The following ERG variants were observed in gnomAD, a reference collection of about 807,000 sequenced individuals.
The protein encoded by ERG is ETS transcription factor ERG.
ERG carries 9 observed loss-of-function variants against 55.3 expected under a neutral mutation model. The ratio of observed to expected loss-of-function variants is 0.16; its 90% CI spans 0.10 to 0.28. The LOEUF is 0.28. Ranked by LOEUF, ERG falls within the 10% of genes least tolerant of loss-of-function variation. The pLI, the probability that ERG is intolerant of heterozygous loss-of-function variation, is 1.00. For missense variants in ERG, 434 were observed against 631.6 expected (o/e 0.69, Z 3.35); for synonymous variants, 223 against 237.3 (o/e 0.94, Z 0.55).
chr21:38,485,461 CT>C (rs34211335), intron 1 of ERG, among the ~76,000 whole-genome samples: 24,278 of 130,004 alleles, frequency 0.19, 1,594 homozygotes, highest in East Asian at 0.25. Context: ...AATATACAGT[CT>C]TTTTTTTTTT....
chr21:38,640,543 G>A (rs1349400163), intron 1 of ERG, among the ~76,000 whole-genome samples: 1 of 152,196 alleles, frequency 6.6e-6, no homozygotes, highest in Non-Finnish European at 1.5e-5. Flanking sequence ...TTGTGGCAGT[G>A]AATAAGTCTC....
In ERG at chr21:38,381,785, CA is replaced by C; in HGVS notation, c.*1617del. On this transcript the variant is annotated 3_prime_UTR_variant, in exon 10 of 10. Coordinates refer to ENST00000288319, the MANE Select transcript of ERG (RefSeq NM_182918.4). ...ATTCCAGGCATAAATATGGAGGCTC[CA>C]ATGTGAAACCCGGGGTCCTTCTGTT... 1 of 1,063,476 alleles carries C rather than the reference CA, an allele frequency of 9.4e-7. No homozygotes were observed. Among genetic ancestry groups the C allele is most frequent in the Non-Finnish European group, 1.1e-6 (1 of 878,226 alleles). 65.9% of individuals were successfully genotyped at this position (1,063,476 alleles called of 1,614,324 possible). A position where few individuals can be genotyped will look rare whatever the true frequency, so the allele number is the denominator to read the frequency against.
At chr21:38,629,081 A>G (rs1043375205) in intron 1 of ERG, among the ~76,000 whole-genome samples, 1 of 152,014 alleles carries the variant, frequency 6.6e-6, no homozygotes, top group Non-Finnish European at 1.5e-5. Context: ...TGTACTATTT[A>G]CAGAGTCCTG....
chr21:38,476,366 T>C (rs1005106982), intron 1 of ERG, among the ~76,000 whole-genome samples: 1 of 152,162 alleles, frequency 6.6e-6, no homozygotes, highest in Non-Finnish European at 1.5e-5. Flanking sequence ...GTCTCCACGT[T>C]TAGGTTTAGG....
upstream of ERG, among the ~76,000 whole-genome samples, chr21:38,588,424 G>A (rs943088107): frequency 6.6e-6 from 1 of 152,202 alleles, no homozygotes; most frequent in Non-Finnish European, 1.5e-5. Flanking sequence ...TGGGGAGGTA[G>A]AAGAAGGCAC....
rs190516055 is a variant in ERG, at chr21:38,460,049, G to A, written c.19-14428C>T. On this transcript the variant is annotated intron_variant, in intron 1 of 9. Transcript: ENST00000288319. This position sits in a 1 kb window ranked among gnomAD's most constrained non-coding sequence, Gnocchi z 5.0. ...AAACTGCTGCTTTTCATTTAGAGTG[G>A]CCAGGGTGGTCCTGAGAAAACGCGA... Among the ~76,000 whole-genome samples, 6 of 152,310 alleles carry A rather than the reference G, an allele frequency of 3.9e-5. No individual in the cohort carries two copies. Among genetic ancestry groups the A allele is most frequent in the East Asian group, 1.9e-4 (1 of 5,182 alleles).
At chr21:38,432,567 T>C (rs905869244) in intron 2 of ERG, among the ~76,000 whole-genome samples, 4 of 152,216 alleles carry the variant, frequency 2.6e-5, no homozygotes, top group Non-Finnish European at 4.4e-5. Flanking sequence ...CCAGACTCTT[T>C]CCACGTGTTT....
intron 1 of ERG, among the ~76,000 whole-genome samples, chr21:38,581,799 C>T (rs931761414): frequency 3.3e-5 from 5 of 152,052 alleles, no homozygotes; most frequent in Admixed American, 1.3e-4. Context: ...ATCCCAGCAC[C>T]TTGGGAGGCC....
intron 2 of ERG, among the ~76,000 whole-genome samples, chr21:38,561,347 G>C (rs1414818588): frequency 8.6e-5 from 13 of 151,998 alleles, no homozygotes; most frequent in Non-Finnish European, 1.5e-4. Context: ...ATTGTGCCCT[G>C]AAGGTGAAAT....
the ERG span, among the ~76,000 whole-genome samples, chr21:38,370,728 T>C: frequency 1.3e-5 from 2 of 152,088 alleles, no homozygotes; most frequent in Admixed American, 6.6e-5. Context: ...ATATCAAGTA[T>C]GCATATCTGT....
Position 38,460,765 on chromosome 21 carries a change from T to C in ERG, c.19-15144A>G, listed in dbSNP as rs531541779. 1.3e-5 allele frequency among the ~76,000 whole-genome samples: 2 copies of C among 152,334 alleles called. No homozygotes were observed. The highest frequency in any genetic ancestry group is 6.5e-5 in the Admixed American group (1 of 15,298). The stretch of plus-strand genomic sequence containing the variant: ...GAATAACGGCACCAAAGTATTCCCC[T>C]GCCCTGAAATCTCTGTTTACCTGTG... On this transcript the variant is annotated intron_variant, in intron 1 of 9. Coordinates refer to ENST00000288319, the MANE Select transcript of ERG (RefSeq NM_182918.4). This position sits in a 1 kb window ranked among gnomAD's most constrained non-coding sequence, Gnocchi z 5.0.
intron 3 of ERG, among the ~76,000 whole-genome samples, chr21:38,406,712 A>G (rs1988790802): frequency 6.6e-6 from 1 of 152,154 alleles, no homozygotes; most frequent in Non-Finnish European, 1.5e-5. Flanking sequence ...TTCTGGGAAC[A>G]GACTTTCTTC....
intron 2 of ERG, among the ~76,000 whole-genome samples, chr21:38,437,644 G>C (rs1339884690): frequency 1.3e-5 from 2 of 152,176 alleles, no homozygotes; most frequent in Non-Finnish European, 2.9e-5. Context: ...AGGATTCCTA[G>C]TTATGGTTTG....
rs532074689 is a variant in ERG, at chr21:38,418,049, T to C, written c.388+5361A>G. 2.6e-5 allele frequency among the ~76,000 whole-genome samples: 4 copies of C among 152,300 alleles called. No homozygotes were observed. In the South Asian group the frequency reaches 6.2e-4, roughly 24 times the overall value. On this transcript the variant is annotated intron_variant, in intron 3 of 9. Transcript: ENST00000288319. ...ATTTTTTTTTGGAATGTTAATGTGA[T>C]ACTGTTAATCATTTCTATCTTTCCT...
intron 1 of ERG, among the ~76,000 whole-genome samples, chr21:38,624,561 T>C (rs1365295045): frequency 6.6e-6 from 1 of 152,186 alleles, no homozygotes; most frequent in Non-Finnish European, 1.5e-5. Flanking sequence ...ACCCCTTCTG[T>C]GGTCTCCATA....
At chr21:38,455,190 T>C (rs545119369) in intron 1 of ERG, among the ~76,000 whole-genome samples, 1 of 152,178 alleles carries the variant, frequency 6.6e-6, no homozygotes, top group East Asian at 1.9e-4. Context: ...AAGAAAAGTC[T>C]TTTCTTCCAG....
intron 1 of ERG, among the ~76,000 whole-genome samples, chr21:38,495,927 C>T (rs2059375558): frequency 6.6e-6 from 1 of 152,172 alleles, no homozygotes; most frequent in Admixed American, 6.5e-5. Flanking sequence ...AAGGGAAGCA[C>T]CAAAACCAAT....
intron 2 of ERG, among the ~76,000 whole-genome samples, chr21:38,571,686 T>G (rs2059958820): frequency 6.6e-6 from 1 of 152,172 alleles, no homozygotes; most frequent in Admixed American, 6.5e-5. Context: ...TTGCCACAAT[T>G]CTTGCACTAT....
At chr21:38,601,653 T>C (rs1353361634) in intron 1 of ERG, among the ~76,000 whole-genome samples, 1 of 152,124 alleles carries the variant, frequency 6.6e-6, no homozygotes, top group African/African-American at 2.4e-5. Flanking sequence ...CCCATGAGTG[T>C]TACACTCCAA....
Sources: allele counts gnomAD v4.1 joint callset (sites outside exome capture counted in the v4.1 genomes callset), GRCh38; gene constraint gnomAD v4.1.1; non-coding constraint Gnocchi (gnomAD v3.1); transcripts MANE v1.5; gene names NCBI Gene and HGNC (gene_info 2026-07-23, HGNC 2026-07-21).